Variants in RBFOX1 observed in about 807,000 individuals in gnomAD.
RBFOX1 encodes the protein RNA binding protein fox-1 homolog 1.
In RBFOX1, 8 loss-of-function variants were observed where a neutral mutation model predicts 57.7. The ratio of observed to expected loss-of-function variants is 0.14; its 90% CI spans 0.08 to 0.25. RBFOX1 has a LOEUF of 0.25. RBFOX1 is among the 10% of genes least tolerant of loss of function. The pLI, the probability that RBFOX1 is intolerant of heterozygous loss-of-function variation, is 1.00. For synonymous variants in RBFOX1, 326 were observed against 222.4 expected (o/e 1.47, Z -4.15); for missense variants, 611 against 548.5 (o/e 1.11, Z -1.14).
intron 4 of RBFOX1, among the ~76,000 whole-genome samples, chr16:7,418,218 A>G (rs2098503516): frequency 1.3e-5 from 2 of 152,172 alleles, no homozygotes; most frequent in African/African-American, 4.8e-5. Context: ...TCCATGCCCC[A>G]TACTGGTTAA....
At chr16:6,428,899 G>T (rs1308901127) in intron 2 of RBFOX1, among the ~76,000 whole-genome samples, 1 of 152,196 alleles carries the variant, frequency 6.6e-6, no homozygotes, top group African/African-American at 2.4e-5. Flanking sequence ...CTTTATCAAA[G>T]TATCGTGTAG....
chr16:5,378,012 A>G (rs555150371), intron 1 of RBFOX1, among the ~76,000 whole-genome samples: 24 of 151,334 alleles, frequency 1.6e-4, no homozygotes, highest in Non-Finnish European at 2.9e-4. Flanking sequence ...GACCTTTTCC[A>G]TTTTATTTTT....
chr16:6,184,144 A>G (rs932764060), intron 1 of RBFOX1, among the ~76,000 whole-genome samples: 1 of 152,140 alleles, frequency 6.6e-6, no homozygotes, highest in African/African-American at 2.4e-5. Flanking sequence ...TACCATGAAA[A>G]CAGTATGGGG....
At chr16:6,960,414 C>A (rs2082713339) in intron 3 of RBFOX1, among the ~76,000 whole-genome samples, 1 of 152,128 alleles carries the variant, frequency 6.6e-6, no homozygotes, top group African/African-American at 2.4e-5. Flanking sequence ...ATTTCCCAGG[C>A]CTTCTCCCTG....
chr16:6,375,563 A>G (rs946006005), intron 2 of RBFOX1, among the ~76,000 whole-genome samples: 1 of 152,088 alleles, frequency 6.6e-6, no homozygotes. Context: ...AAAATACTCT[A>G]GGAAAAGACC....
intron 2 of RBFOX1, among the ~76,000 whole-genome samples, chr16:6,366,326 A>G (rs998173916): frequency 6.6e-6 from 1 of 152,154 alleles, no homozygotes; most frequent in African/African-American, 2.4e-5. Context: ...ATTGAACTAT[A>G]AAGACTTCTA....
chr16:5,252,710 G>A (rs542633584), intron 1 of RBFOX1, among the ~76,000 whole-genome samples: 12 of 152,276 alleles, frequency 7.9e-5, no homozygotes, highest in East Asian at 3.9e-4. Context: ...TATCCCATCC[G>A]CCCCCATCTG....
rs749105173 is a variant in RBFOX1, at chr16:6,927,446, C to A, written c.-15-124611C>A. Among the ~76,000 whole-genome samples, 7 of 110,648 alleles carry A rather than the reference C, an allele frequency of 6.3e-5. 1 individual carries two copies. The highest frequency in any genetic ancestry group is 2.7e-4 in the African/African-American group (6 of 22,016). The allele number at this position is 110,648 out of a possible 152,430, so 72.6% of individuals were successfully genotyped here. ...AAAAAAAAAAAAAAAAAAATCCGAA[C>A]GTCTCGTGTTAACAGGCTGATCATT... On this transcript the variant is annotated intron_variant, in intron 3 of 15. Coordinates refer to ENST00000550418, the MANE Select transcript of RBFOX1 (RefSeq NM_018723.4).
chr16:6,492,964 T>C (rs1361038436), intron 2 of RBFOX1, among the ~76,000 whole-genome samples: 1 of 152,240 alleles, frequency 6.6e-6, no homozygotes, highest in Non-Finnish European at 1.5e-5. Context: ...CTGTGCAGTA[T>C]GACTAAGAGA....
intron 1 of RBFOX1, among the ~76,000 whole-genome samples, chr16:5,318,975 A>G (rs1031388825): frequency 6.6e-6 from 1 of 151,882 alleles, no homozygotes; most frequent in African/African-American, 2.4e-5. Flanking sequence ...AAAATACAAA[A>G]AATTAGCTGG....
intron 3 of RBFOX1, among the ~76,000 whole-genome samples, chr16:6,821,172 G>C (rs1356447544): frequency 6.6e-6 from 1 of 152,146 alleles, no homozygotes; most frequent in African/African-American, 2.4e-5. Flanking sequence ...TGATCTCTTT[G>C]CTGGAAGGCA....
At position 7,676,791 on chromosome 16, in the gene RBFOX1, C is replaced by T; in HGVS notation, c.948C>T (p.Tyr316=). The change falls in exon 14 of 16, where the codon TAC becomes TAT. Residue 316 remains tyrosine (Y), a synonymous_variant. Transcript: ENST00000550418. ...TGTTTTAGGGTGGTTATGCTGCATA[C>T]CGCTACGCCCAGCCTACCCCTGCCA... The part of the protein sequence containing the change: ...GADIYGGYAA[Y]RYAQPTPATA... 6.2e-7 allele frequency: 1 copy of T among 1,613,310 alleles called. No homozygotes were observed. Among genetic ancestry groups the T allele is most frequent in the Non-Finnish European group, 8.5e-7 (1 of 1,179,478 alleles).
intron 4 of RBFOX1, among the ~76,000 whole-genome samples, chr16:7,369,084 T>A (rs368797076): frequency 0.027 from 4,069 of 152,020 alleles, 183 homozygotes; most frequent in African/African-American, 0.089. Context: ...GAAAGAGGAA[T>A]ACAGAAAAGA....
intron 2 of RBFOX1, among the ~76,000 whole-genome samples, chr16:6,571,341 C>T (rs2097341910): frequency 1.3e-5 from 2 of 152,136 alleles, no homozygotes; most frequent in Admixed American, 6.6e-5. Flanking sequence ...GGTGGGCATC[C>T]TTCCAGAGAG....
intron 1 of RBFOX1, among the ~76,000 whole-genome samples, chr16:6,136,199 G>A (rs2096665934): frequency 6.6e-6 from 1 of 152,150 alleles, no homozygotes; most frequent in Admixed American, 6.6e-5. Context: ...AAGACCTGGA[G>A]ATTCGGAGGC....
At chr16:5,658,936 T>A (rs1185141789) in intron 3 of RBFOX1, among the ~76,000 whole-genome samples, 1 of 151,648 alleles carries the variant, frequency 6.6e-6, no homozygotes, top group Non-Finnish European at 1.5e-5. Flanking sequence ...GACACTTGCA[T>A]TGCTTTTACG....
intron 2 of RBFOX1, among the ~76,000 whole-genome samples, chr16:5,477,668 C>A (rs1567141830): frequency 1.3e-5 from 2 of 152,148 alleles, no homozygotes; most frequent in African/African-American, 4.8e-5. Flanking sequence ...ATCTTCCTAT[C>A]TGGGGGCTGG....
chr16:6,804,372 C>G (rs575802550), intron 3 of RBFOX1, among the ~76,000 whole-genome samples: 2 of 152,176 alleles, frequency 1.3e-5, no homozygotes, highest in African/African-American at 2.4e-5. Context: ...AAGTTAAATT[C>G]TAATAGGATC....
intron 3 of RBFOX1, among the ~76,000 whole-genome samples, chr16:6,839,739 T>A (rs1567499232): frequency 6.6e-6 from 1 of 152,160 alleles, no homozygotes; most frequent in African/African-American, 2.4e-5. Flanking sequence ...ATGCAAACTA[T>A]AGAAGAGAAA....
Sources: allele counts gnomAD v4.1 joint callset (sites outside exome capture counted in the v4.1 genomes callset), GRCh38; gene constraint gnomAD v4.1.1; transcripts MANE v1.5; gene names NCBI Gene and HGNC (gene_info 2026-07-23, HGNC 2026-07-21).